The following ME2 variants were observed in gnomAD, a reference collection of about 807,000 sequenced individuals.
The protein encoded by ME2 is malic enzyme 2, also known as NAD-dependent malic enzyme, mitochondrial.
In ME2, 60 loss-of-function variants were observed where a neutral mutation model predicts 73.7. The ratio of observed to expected loss-of-function variants is 0.81; its 90% CI spans 0.66 to 1.01. The LOEUF (loss-of-function observed/expected upper bound fraction) is 1.01, where lower values mean the gene tolerates loss of function less well. Ranked by LOEUF, ME2 falls within the 50% of genes least tolerant of loss-of-function variation. The pLI is 0.00. For missense variants in ME2, 594 were observed against 705.5 expected, an observed-to-expected ratio of 0.84 and a Z score of 1.79; for synonymous variants, 199 against 236.9, an observed-to-expected ratio of 0.84 and a Z score of 1.47.
intron 1 of ME2, among the ~76,000 whole-genome samples, chr18:50,882,532 A>G (rs1032192055): frequency 6.6e-6 from 1 of 152,202 alleles, no homozygotes; most frequent in African/African-American, 2.4e-5. Flanking sequence ...CATCTAAGTC[A>G]ATGGCTTCCA....
chr18:50,899,151 G>C (rs1452386815), intron 2 of ME2, among the ~76,000 whole-genome samples: 2 of 152,172 alleles, frequency 1.3e-5, no homozygotes, highest in Admixed American at 6.5e-5. Flanking sequence ...CGCATGCAAG[G>C]GATCTAGGTT....
At chr18:50,903,428 A>G (rs749724072) in intron 2 of ME2, among the ~76,000 whole-genome samples, 2 of 152,188 alleles carry the variant, frequency 1.3e-5, no homozygotes, top group Non-Finnish European at 2.9e-5. Context: ...AACTCCATTT[A>G]TCTTTGGCAA....
rs760561028 is a variant in ME2, at chr18:50,925,905, A to G, written c.1314+7A>G. 12 of 1,585,600 alleles carry G rather than the reference A, an allele frequency of 7.6e-6. No individual in the cohort carries two copies. The Admixed American group carries it at 2.0e-4, about 27-fold the overall frequency. ...AGCATATACACTTACAGAGGTATTA[A>G]TAATCACATGAATTGATATGTATAT... On this transcript the variant is annotated splice_region_variant and intron_variant, in intron 12 of 15. Transcript: ENST00000321341.
intron 14 of ME2, chr18:50,940,037 C>G: frequency 2.1e-6 from 1 of 467,620 alleles, no homozygotes; most frequent in East Asian, 3.7e-5. Context: ...TCAAAGTAGC[C>G]ATTGCAATTA....
rs535958177 is a variant in ME2 at position 50,953,875 on chromosome 18, C to G, written c.*6691C>G. The G allele has an allele frequency of 4.4e-4, 67 of 152,258 alleles. No homozygotes were observed. Among genetic ancestry groups the G allele is most frequent in the African/African-American group, 1.6e-3 (65 of 41,562 alleles). 9.4% of individuals were successfully genotyped at this position (152,258 alleles called of 1,614,324 possible). ...AATGTCTGCCCAATGTTTTATTATA[C>G]TTTGTCTAATGACCTTTAAATTTAA... On this transcript the variant is annotated 3_prime_UTR_variant, in exon 16 of 16. Coordinates refer to ENST00000321341, the MANE Select transcript of ME2 (RefSeq NM_002396.5).
At chr18:50,942,120 ACTGT>A (rs1917979258) in intron 15 of ME2, among the ~76,000 whole-genome samples, 1 of 152,068 alleles carries the variant, frequency 6.6e-6, no homozygotes, top group Non-Finnish European at 1.5e-5. Flanking sequence ...CAAAATCATA[ACTGT>A]CTACTTGCAT....
Position 50,932,352 on chromosome 18 carries a change from T to C in ME2, c.1409T>C (p.Ile470Thr). ...FTPGQGNNVY[I>T]FPGVALAVIL... The stretch of plus-strand genomic sequence containing the variant: ...CCAGGTCAAGGAAACAATGTTTATA[T>C]TTTTCCAGGTAAATGCCACCATTAT... Residue 470 changes from isoleucine to threonine, a missense_variant, in exon 13 of 16, where the codon ATT becomes ACT. Physicochemically the swap from Ile to Thr is moderately conservative, Grantham distance 89. Transcript: ENST00000321341. 2 of 1,611,022 alleles carry C rather than the reference T, an allele frequency of 1.2e-6. No homozygotes were observed.
At chr18:50,906,521 C>T (rs1187040353) in intron 2 of ME2, among the ~76,000 whole-genome samples, 1 of 152,086 alleles carries the variant, frequency 6.6e-6, no homozygotes, top group South Asian at 2.1e-4. Flanking sequence ...CCATGTTGGC[C>T]AAGCTGGTCT....
intron 12 of ME2, among the ~76,000 whole-genome samples, chr18:50,927,954 C>T (rs1052882835): frequency 6.6e-6 from 1 of 150,384 alleles, no homozygotes; most frequent in Non-Finnish European, 1.5e-5. Flanking sequence ...GCTGGGACTA[C>T]AGGCAAATAC....
chr18:50,952,972 A>G lies in ME2; in HGVS notation c.*5788A>G. 1 of 151,920 alleles carries G rather than the reference A, an allele frequency of 6.6e-6. No homozygotes were observed. Among genetic ancestry groups the G allele is most frequent in the East Asian group, 1.9e-4 (1 of 5,180 alleles). The allele number at this position is 151,920 out of a possible 1,614,324, so 9.4% of individuals were successfully genotyped here. ...TAAATGACTTGTCAAAGGTCTTATG[A>G]TGTGTGGCAGAGCCTGGGTTTTTAG... On this transcript the variant is annotated 3_prime_UTR_variant, in exon 16 of 16. Coordinates refer to ENST00000321341, the MANE Select transcript of ME2 (RefSeq NM_002396.5).
intron 2 of ME2, among the ~76,000 whole-genome samples, chr18:50,897,870 A>G (rs1916787443): frequency 2.8e-5 from 3 of 108,562 alleles, no homozygotes; most frequent in Admixed American, 1.7e-4. Context: ...AAAAAAAAAA[A>G]GAAAAAGAAA....
chr18:50,950,438 T>C lies in ME2; in HGVS notation c.*3254T>C, dbSNP rs2144285195. ...CTAACAAGATTCTGATGCTGATGCA[T>C]AGGGCCTGGGGTGGGGCCTCAGATT... On this transcript the variant is annotated 3_prime_UTR_variant, in exon 16 of 16. Coordinates refer to ENST00000321341, the MANE Select transcript of ME2 (RefSeq NM_002396.5). 2 of 141,268 alleles carry C rather than the reference T, an allele frequency of 1.4e-5. No homozygotes were observed. Among genetic ancestry groups the C allele is most frequent in the East Asian group, 2.2e-4 (1 of 4,552 alleles). 8.8% of individuals were successfully genotyped at this position (141,268 alleles called of 1,614,324 possible).
At chr18:50,892,169 T>C (rs184909090) in intron 1 of ME2, among the ~76,000 whole-genome samples, 352 of 152,306 alleles carry the variant, frequency 2.3e-3, no homozygotes, top group Non-Finnish European at 4.5e-3. Context: ...AAAATGTTAA[T>C]ATCTTTAATC....
chr18:50,939,195 T>C (rs1303431713), intron 13 of ME2: 1 of 155,900 alleles, frequency 6.4e-6, no homozygotes, highest in Non-Finnish European at 1.4e-5. Flanking sequence ...ATAAGTTATT[T>C]AAGAGTGAGA....
chr18:50,893,124 C>CAAAAAAAAA (rs56104427), intron 1 of ME2, among the ~76,000 whole-genome samples: 43 of 78,090 alleles, frequency 5.5e-4, no homozygotes, highest in African/African-American at 2.3e-3. Context: ...GACTCTATCT[C>CAAAAAAAAA]AAAAAAAAAA....
At chr18:50,940,425 G>T in intron 15 of ME2, 39 bp downstream of exon 15, 1 of 1,265,928 alleles carries the variant, frequency 7.9e-7, no homozygotes, top group South Asian at 1.3e-5. Context: ...TAATTTTAAT[G>T]ACATTTTCTT....
chr18:50,929,061 G>A (rs1338487976), intron 12 of ME2, among the ~76,000 whole-genome samples: 1 of 151,940 alleles, frequency 6.6e-6, no homozygotes, highest in East Asian at 1.9e-4. Context: ...ATTGTAACCA[G>A]AGGAAAATTT....
At chr18:50,905,464 G>A (rs1156626419) in intron 2 of ME2, among the ~76,000 whole-genome samples, 3 of 152,100 alleles carry the variant, frequency 2.0e-5, no homozygotes, top group Non-Finnish European at 4.4e-5. Context: ...TAAAATATTT[G>A]AAGAGATTTA....
chr18:50,881,050 C>T (rs1000913375), intron 1 of ME2, among the ~76,000 whole-genome samples: 1 of 152,158 alleles, frequency 6.6e-6, no homozygotes, highest in African/African-American at 2.4e-5. Context: ...CTCTTTAAGA[C>T]GGAGTTTTGC....
Sources: gnomAD v4.1 joint callset for allele counts (sites outside exome capture counted in the v4.1 genomes callset) on GRCh38, gnomAD v4.1.1 for gene constraint, MANE v1.5 for transcripts, NCBI Gene and HGNC (gene_info 2026-07-23, HGNC 2026-07-21) for gene names.